EYS: variants seen among roughly 807,000 people sequenced by gnomAD.
EYS encodes EGF-like photoreceptor maintenance factor.
Under a neutral mutation model 282.1 loss-of-function variants are expected in EYS, and 250 were observed. That is an observed-to-expected ratio of 0.89 (90% CI 0.80 to 0.98). EYS has a LOEUF of 0.98. Ranked by LOEUF, EYS falls within the 50% of genes least tolerant of loss-of-function variation. EYS has a pLI of 0.00. For missense variants in EYS, 4,016 were observed against 3,709.0 expected, an observed-to-expected ratio of 1.08 and a Z score of -2.15; for synonymous variants, 1,355 against 1,282.9, an observed-to-expected ratio of 1.06 and a Z score of -1.20.
intron 8 of EYS, among the ~76,000 whole-genome samples, chr6:65,383,789 T>A (rs1029922864): frequency 6.6e-6 from 1 of 151,922 alleles, no homozygotes; most frequent in Non-Finnish European, 1.5e-5. Flanking sequence ...TTTAACTAGT[T>A]TTTATAATTC....
intron 1 of EYS, among the ~76,000 whole-genome samples, chr6:65,692,016 A>T: frequency 6.7e-6 from 1 of 150,156 alleles, no homozygotes; most frequent in Non-Finnish European, 1.5e-5. Flanking sequence ...GATATGAAAT[A>T]CACTTAAGAG....
chr6:65,494,600 A>G lies in EYS; in HGVS notation c.748+63T>C, dbSNP rs2127270664. On this transcript the variant is annotated intron_variant, in intron 4 of 42. Transcript: ENST00000503581. ...TTAAAATGTACTTTGATTTCTGTTA[A>G]CAGTTTATAAATGCACTGTGTTTCT... is the stretch of plus-strand genomic sequence containing the variant. 11 of 1,406,086 alleles carry G rather than the reference A, an allele frequency of 7.8e-6. No individual in the cohort carries two copies. The Admixed American group carries it at 2.3e-4, about 29-fold the overall frequency. The allele number at this position is 1,406,086 out of a possible 1,614,324, so 87.1% of individuals were successfully genotyped here.
rs566778212 is a variant in EYS, at chr6:64,532,466, T to G, written c.5644+57757A>C. On this transcript the variant is annotated intron_variant, in intron 26 of 42. Transcript: ENST00000503581. The stretch of plus-strand genomic sequence containing the variant: ...GGCTCACGCCTGTAATCCCAGCACT[T>G]TGGGAGGCGGAGGCGAGCGGATCAC... Among the ~76,000 whole-genome samples, 7 of 152,172 alleles carry G rather than the reference T, an allele frequency of 4.6e-5. No individual in the cohort carries two copies. The East Asian group carries it at 1.4e-3, about 29-fold the overall frequency.
At chr6:64,462,269 G>T (rs1775774462) in intron 26 of EYS, among the ~76,000 whole-genome samples, 1 of 152,120 alleles carries the variant, frequency 6.6e-6, no homozygotes, top group South Asian at 2.1e-4. Flanking sequence ...ATGACATAAT[G>T]CTTAGAGAAT....
intron 31 of EYS, among the ~76,000 whole-genome samples, chr6:64,132,863 G>A (rs1005019281): frequency 6.6e-6 from 1 of 151,800 alleles, no homozygotes; most frequent in African/African-American, 2.4e-5. Flanking sequence ...GCAGAAATAA[G>A]TAACTATCAT....
At chr6:64,387,388 T>C (rs946012515) in intron 29 of EYS, among the ~76,000 whole-genome samples, 1 of 152,164 alleles carries the variant, frequency 6.6e-6, no homozygotes, top group South Asian at 2.1e-4. Context: ...GGGTAGCTAA[T>C]TGAGTTGAGA....
intron 26 of EYS, among the ~76,000 whole-genome samples, chr6:64,444,347 G>A (rs979912082): frequency 1.3e-4 from 20 of 152,150 alleles, no homozygotes; most frequent in African/African-American, 4.8e-4. Context: ...GAGAAATAAA[G>A]CTAATTTTTA....
chr6:65,695,940 T>G (rs544318240), intron 1 of EYS, among the ~76,000 whole-genome samples: 1 of 152,120 alleles, frequency 6.6e-6, no homozygotes, highest in East Asian at 1.9e-4. Context: ...CTTGAGCATT[T>G]TACTCAAATT....
chr6:63,858,267 C>T (rs1772443270), intron 36 of EYS, among the ~76,000 whole-genome samples: 1 of 152,142 alleles, frequency 6.6e-6, no homozygotes, highest in Non-Finnish European at 1.5e-5. Context: ...AATTATTTGG[C>T]TAGGCTGGTC....
At chr6:65,388,816 A>AT (rs2150354768) in intron 7 of EYS, among the ~76,000 whole-genome samples, 1 of 152,194 alleles carries the variant, frequency 6.6e-6, no homozygotes, top group South Asian at 2.1e-4. Context: ...CAAGCAAACT[A>AT]TTTTACAGTT....
rs368262289 is a variant in EYS, at chr6:65,526,134, C to T, written c.-332-30141G>A. Among the ~76,000 whole-genome samples the T allele has an allele frequency of 2.9e-4, 44 of 152,266 alleles. 1 individual carries two copies. The South Asian group carries it at 9.1e-3, about 32-fold the overall frequency. ...GAGAGCAATAGCATGTCAGTTAGGGCTTTTCTTCCTCTTCTTATAAAACCA... is the reference window on the plus strand; with the variant it reads ...GAGAGCAATAGCATGTCAGTTAGGGTTTTTCTTCCTCTTCTTATAAAACCA... On this transcript the variant is annotated intron_variant, in intron 2 of 42. Coordinates refer to ENST00000503581, the MANE Select transcript of EYS (RefSeq NM_001142800.2).
At chr6:64,019,372 T>C (rs996429166) in intron 33 of EYS, among the ~76,000 whole-genome samples, 1 of 152,154 alleles carries the variant, frequency 6.6e-6, no homozygotes, top group Non-Finnish European at 1.5e-5. Flanking sequence ...TTTCTTATAG[T>C]AGCTACAAGA....
At chr6:64,791,762 A>T (rs1774199766) in intron 22 of EYS, among the ~76,000 whole-genome samples, 1 of 151,882 alleles carries the variant, frequency 6.6e-6, no homozygotes, top group Admixed American at 6.6e-5. Context: ...AGCTTGAGAC[A>T]CATATTAAAG....
At chr6:65,015,318 A>C (rs1017483456) in intron 13 of EYS, among the ~76,000 whole-genome samples, 1 of 152,220 alleles carries the variant, frequency 6.6e-6, no homozygotes, top group Admixed American at 6.5e-5. Context: ...GTAATGTGTT[A>C]GTTATCACGC....
intron 35 of EYS, among the ~76,000 whole-genome samples, chr6:63,897,150 C>T (rs1241163944): frequency 6.6e-6 from 1 of 152,168 alleles, no homozygotes; most frequent in Non-Finnish European, 1.5e-5. Flanking sequence ...AGTGTATATC[C>T]TTCCAATTAC....
intron 22 of EYS, among the ~76,000 whole-genome samples, chr6:64,658,946 C>G (rs558873611): frequency 1.3e-5 from 2 of 152,332 alleles, no homozygotes; most frequent in African/African-American, 4.8e-5. Flanking sequence ...TTCTTCTCAG[C>G]ACCACACTGC....
At chr6:64,211,946 T>C (rs1765793925) in intron 31 of EYS, among the ~76,000 whole-genome samples, 1 of 151,556 alleles carries the variant, frequency 6.6e-6, no homozygotes, top group African/African-American at 2.4e-5. Context: ...TAAAAACCCA[T>C]CTCTACTAAA....
rs573467302 is a variant in EYS, at chr6:65,091,176, G to A, written c.2024-33449C>T. 8.7e-5 allele frequency among the ~76,000 whole-genome samples: 13 copies of A among 148,900 alleles called. No individual in the cohort carries two copies. In the South Asian group the frequency reaches 2.6e-3, roughly 30 times the overall value. ...CTGCCAGGCACGGTGGCTTAAGCCT[G>A]TAATCCTAGCACTTTGGGAGGCCGA... is the stretch of plus-strand genomic sequence containing the variant. On this transcript the variant is annotated intron_variant, in intron 12 of 42. Transcript: ENST00000503581.
At chr6:64,696,596 C>A (rs1032643873) in intron 22 of EYS, among the ~76,000 whole-genome samples, 19 of 152,044 alleles carry the variant, frequency 1.2e-4, no homozygotes, top group African/African-American at 2.4e-5. Flanking sequence ...ATTTCTAAAA[C>A]CAGAAAGAGA....
Sources: gnomAD v4.1 joint callset for allele counts (sites outside exome capture counted in the v4.1 genomes callset) on GRCh38, gnomAD v4.1.1 for gene constraint, MANE v1.5 for transcripts, NCBI Gene and HGNC (gene_info 2026-07-23, HGNC 2026-07-21) for gene names.